The following PRIM2 variants were observed in gnomAD, a reference collection of about 807,000 sequenced individuals.
PRIM2 encodes the protein DNA primase subunit 2.
Under a neutral mutation model 67.3 loss-of-function variants are expected in PRIM2, and 39 were observed. The ratio of observed to expected loss-of-function variants is 0.58; its 90% CI spans 0.45 to 0.76. PRIM2 has a LOEUF of 0.76. PRIM2 is among the 30% of genes least tolerant of loss of function. The pLI, the probability that PRIM2 is intolerant of heterozygous loss-of-function variation, is 0.00. For missense variants in PRIM2, 398 were observed against 598.7 expected (o/e 0.66, Z 3.50); for synonymous variants, 143 against 198.7 (o/e 0.72, Z 2.36).
At chr6:57,554,939 G>T (rs1775482639) in intron 10 of PRIM2, among the ~76,000 whole-genome samples, 1 of 152,198 alleles carries the variant, frequency 6.6e-6, no homozygotes, top group Non-Finnish European at 1.5e-5. Flanking sequence ...TGTCCTTAGA[G>T]AAAGCAGACT....
intron 10 of PRIM2, among the ~76,000 whole-genome samples, chr6:57,579,046 C>CT (rs1776025706): frequency 6.6e-6 from 1 of 152,122 alleles, no homozygotes; most frequent in Non-Finnish European, 1.5e-5. Context: ...TTGTATTTTC[C>CT]CTGCCTCAGT....
At chr6:57,272,224 G>C in the PRIM2 span, among the ~76,000 whole-genome samples, 2 of 152,164 alleles carry the variant, frequency 1.3e-5, no homozygotes, top group Non-Finnish European at 2.9e-5. Context: ...TGTTGACAGT[G>C]GGGTGTTAAA....
chr6:57,519,593 A>G (rs1214136491), intron 8 of PRIM2, among the ~76,000 whole-genome samples: 3 of 152,182 alleles, frequency 2.0e-5, no homozygotes, highest in African/African-American at 4.8e-5. Flanking sequence ...AATTGCTGTT[A>G]TCTTGTTCTT....
At chr6:57,400,850 G>T (rs1187008404) in intron 7 of PRIM2, among the ~76,000 whole-genome samples, 4 of 152,160 alleles carry the variant, frequency 2.6e-5, no homozygotes, top group African/African-American at 9.7e-5. Flanking sequence ...TCTTATTTCA[G>T]AGAGCCAGTC....
chr6:57,525,720 A>C (rs1343409397), intron 8 of PRIM2, among the ~76,000 whole-genome samples: 1 of 152,168 alleles, frequency 6.6e-6, no homozygotes, highest in African/African-American at 2.4e-5. Context: ...CACATTGCCT[A>C]CCTTCTCCTC....
the PRIM2 span, among the ~76,000 whole-genome samples, chr6:57,299,213 C>A: frequency 6.6e-6 from 1 of 151,802 alleles, no homozygotes; most frequent in South Asian, 2.1e-4. Context: ...TGTATTATCT[C>A]GATGAGTGGT....
intron 7 of PRIM2, among the ~76,000 whole-genome samples, chr6:57,459,012 G>A (rs1456908930): frequency 2.0e-5 from 3 of 152,202 alleles, no homozygotes; most frequent in South Asian, 2.1e-4. Flanking sequence ...ATTTGGTGTG[G>A]TAAGTCACTG....
At chr6:57,273,215 A>G in the PRIM2 span, among the ~76,000 whole-genome samples, 1 of 152,198 alleles carries the variant, frequency 6.6e-6, no homozygotes, top group East Asian at 1.9e-4. Context: ...AATATCCTGC[A>G]GAATATTTTC....
chr6:57,311,827 G>C (rs1475729670), upstream of PRIM2, among the ~76,000 whole-genome samples: 1 of 152,140 alleles, frequency 6.6e-6, no homozygotes, highest in Non-Finnish European at 1.5e-5. Context: ...AGGAGCTGGA[G>C]ACCAGCCCGG....
At chr6:57,321,334 A>C (rs1341606934) in intron 3 of PRIM2, among the ~76,000 whole-genome samples, 1 of 152,168 alleles carries the variant, frequency 6.6e-6, no homozygotes, top group African/African-American at 2.4e-5. Flanking sequence ...TTTAGTTCTT[A>C]ACATGAATTT....
chr6:57,644,970 G>T (rs1777309801), intron 13 of PRIM2, among the ~76,000 whole-genome samples: 1 of 152,138 alleles, frequency 6.6e-6, no homozygotes, highest in Non-Finnish European at 1.5e-5. Context: ...AATAACATAA[G>T]TTATGAACCA....
chr6:57,638,171 A>T (rs1265162246), intron 13 of PRIM2, among the ~76,000 whole-genome samples: 2 of 152,206 alleles, frequency 1.3e-5, no homozygotes, highest in African/African-American at 4.8e-5. Flanking sequence ...GCGAAGGAGA[A>T]ATAAAATCCT....
chr6:57,574,840 A>G (rs1265112718), intron 10 of PRIM2, among the ~76,000 whole-genome samples: 1 of 151,724 alleles, frequency 6.6e-6, no homozygotes, highest in Admixed American at 6.6e-5. Context: ...AGATAGAATC[A>G]TATGAAGTTG....
At chr6:57,286,898 A>T in the PRIM2 span, among the ~76,000 whole-genome samples, 31 of 152,372 alleles carry the variant, frequency 2.0e-4, no homozygotes, top group East Asian at 6.0e-3. Context: ...CAAGGTACTT[A>T]AACAAATTTA....
At chr6:57,516,771 A>T (rs1356022698) in intron 8 of PRIM2, among the ~76,000 whole-genome samples, 1 of 152,170 alleles carries the variant, frequency 6.6e-6, no homozygotes, top group Admixed American at 6.6e-5. Context: ...ATATTAAAGG[A>T]ACTCTTACTG....
At chr6:57,543,290 T>C (rs1775215362) in intron 10 of PRIM2, among the ~76,000 whole-genome samples, 1 of 152,194 alleles carries the variant, frequency 6.6e-6, no homozygotes, top group Non-Finnish European at 1.5e-5. Context: ...TTTATAGTGC[T>C]AATTAAAGGA....
intron 8 of PRIM2, among the ~76,000 whole-genome samples, chr6:57,507,969 C>T (rs1477379695): frequency 7.9e-5 from 12 of 152,158 alleles, no homozygotes; most frequent in Non-Finnish European, 1.6e-4. Flanking sequence ...TGGAATCTTG[C>T]TCTGTCGCCC....
chr6:57,318,744 A>G (rs1377912157), intron 2 of PRIM2, 145 bp downstream of exon 2: 1 of 676,926 alleles, frequency 1.5e-6, no homozygotes, highest in Non-Finnish European at 2.5e-6. Flanking sequence ...TCATTCAGCA[A>G]TCCATTCAAC....
At chr6:57,271,565 T>G in the PRIM2 span, among the ~76,000 whole-genome samples, 1 of 152,220 alleles carries the variant, frequency 6.6e-6, no homozygotes, top group Non-Finnish European at 1.5e-5. Flanking sequence ...TTGTTGATCT[T>G]TTCAAAAAAC....
Sources: allele counts gnomAD v4.1 joint callset (sites outside exome capture counted in the v4.1 genomes callset), GRCh38; gene constraint gnomAD v4.1.1; transcripts MANE v1.5; gene names NCBI Gene and HGNC (gene_info 2026-07-23, HGNC 2026-07-21).